LRRC28: variants seen among roughly 807,000 people sequenced by gnomAD.
LRRC28 encodes the protein leucine rich repeat containing 28, also known as leucine-rich repeat-containing protein 28.
In LRRC28, 39 loss-of-function variants were observed where a neutral mutation model predicts 45.7. The observed-to-expected ratio is 0.85, with a 90% CI of 0.66 to 1.12. The LOEUF is 1.12. Ranked by LOEUF, LRRC28 falls within the 50% of genes most tolerant of loss-of-function variation. LRRC28 has a pLI of 0.00. For synonymous variants in LRRC28, 206 were observed against 178.8 expected (o/e 1.15, Z -1.22); for missense variants, 435 against 438.5 (o/e 0.99, Z 0.07).
chr15:99,270,429 GC>G (rs2081445592), intron 2 of LRRC28, among the ~76,000 whole-genome samples: 1 of 102,078 alleles, frequency 9.8e-6, no homozygotes, highest in Admixed American at 1.0e-4. Context: ...CCATTGCCCC[GC>G]CCCCACCCTC....
intron 5 of LRRC28, among the ~76,000 whole-genome samples, chr15:99,299,709 T>C: frequency 6.6e-6 from 1 of 152,228 alleles, no homozygotes; most frequent in Middle Eastern, 3.2e-3. Context: ...TTGTTTGATA[T>C]TGTTTGTTAT....
chr15:99,319,191 T>C (rs1230967578), intron 5 of LRRC28, among the ~76,000 whole-genome samples: 1 of 152,120 alleles, frequency 6.6e-6, no homozygotes, highest in East Asian at 1.9e-4. Context: ...ATACCAACAA[T>C]AGACACCTAG....
intron 6 of LRRC28, among the ~76,000 whole-genome samples, chr15:99,347,203 T>C (rs1956712509): frequency 6.8e-6 from 1 of 147,492 alleles, no homozygotes. Context: ...GTACGTGAGC[T>C]CCCTTTTTTT....
chr15:99,271,568 C>T (rs2081480605), intron 2 of LRRC28, among the ~76,000 whole-genome samples: 1 of 152,030 alleles, frequency 6.6e-6, no homozygotes, highest in Non-Finnish European at 1.5e-5. Context: ...TGAGCCACCG[C>T]ATCCAGCCCT....
chr15:99,356,083 G>A (rs1957039940), intron 7 of LRRC28, among the ~76,000 whole-genome samples: 2 of 152,194 alleles, frequency 1.3e-5, no homozygotes, highest in African/African-American at 4.8e-5. Context: ...GAAGTTAGTT[G>A]TTGTTAAAAC....
At chr15:99,352,560 C>A in intron 7 of LRRC28, 89 bp downstream of exon 7, 1 of 997,840 alleles carries the variant, frequency 1.0e-6, no homozygotes, top group Non-Finnish European at 1.5e-6. Flanking sequence ...TGATGATATG[C>A]TAAACCAGGT....
At chr15:99,292,519 C>T (rs991275515) in intron 5 of LRRC28, among the ~76,000 whole-genome samples, 13 of 151,560 alleles carry the variant, frequency 8.6e-5, no homozygotes, top group African/African-American at 2.9e-4. Context: ...CGCCCGCCAC[C>T]GCGCCCGGCT....
intron 2 of LRRC28, among the ~76,000 whole-genome samples, chr15:99,261,218 T>C (rs1395992741): frequency 1.3e-5 from 2 of 152,232 alleles, no homozygotes; most frequent in African/African-American, 4.8e-5. Flanking sequence ...GAATAAACTT[T>C]TCAATTACAA....
At chr15:99,293,401 C>T (rs919961089) in intron 5 of LRRC28, among the ~76,000 whole-genome samples, 6 of 151,738 alleles carry the variant, frequency 4.0e-5, no homozygotes, top group Non-Finnish European at 7.4e-5. Flanking sequence ...CAAGACTAGC[C>T]TGACTAACAT....
chr15:99,301,880 AT>A (rs947650797), intron 5 of LRRC28, among the ~76,000 whole-genome samples: 4 of 152,262 alleles, frequency 2.6e-5, no homozygotes, highest in African/African-American at 9.6e-5. Flanking sequence ...GTATTTCCTT[AT>A]CCCCAGGGCA....
In LRRC28 at chr15:99,390,205, T is replaced by C. The variant is rs765701750; in HGVS notation, c.*4103T>C. ...CTAATAGATCTGAAAGTGATGCCGG[T>C]GTCTCTAGGAAAGGAATTGATCATA... On this transcript the variant is annotated 3_prime_UTR_variant, in exon 10 of 10. Coordinates refer to ENST00000301981, the MANE Select transcript of LRRC28 (RefSeq NM_144598.5). The C allele has an allele frequency of 1.2e-4, 18 of 152,236 alleles. No homozygotes were observed. The highest frequency in any genetic ancestry group is 5.9e-4 in the Admixed American group (9 of 15,288). 9.4% of individuals were successfully genotyped at this position (152,236 alleles called of 1,614,324 possible). A position where few individuals can be genotyped will look rare whatever the true frequency, so the allele number is the denominator to read the frequency against.
At chr15:99,293,295 T>C (rs1407436533) in intron 5 of LRRC28, among the ~76,000 whole-genome samples, 1 of 152,040 alleles carries the variant, frequency 6.6e-6, no homozygotes, top group Non-Finnish European at 1.5e-5. Context: ...GCAAGTCAGT[T>C]GTCTGTAAAA....
chr15:99,366,751 T>C (rs1465413527), intron 9 of LRRC28, among the ~76,000 whole-genome samples: 1 of 151,948 alleles, frequency 6.6e-6, no homozygotes, highest in Admixed American at 6.6e-5. Flanking sequence ...CTTCAACATA[T>C]GAATTTAGGA....
intron 5 of LRRC28, among the ~76,000 whole-genome samples, chr15:99,291,626 C>T (rs2082124490): frequency 6.6e-6 from 1 of 152,224 alleles, no homozygotes; most frequent in Non-Finnish European, 1.5e-5. Context: ...ATAGTCCATG[C>T]TGAGACTTGT....
intron 7 of LRRC28, among the ~76,000 whole-genome samples, chr15:99,354,380 T>C (rs1444821854): frequency 1.3e-5 from 2 of 152,224 alleles, no homozygotes; most frequent in Non-Finnish European, 1.5e-5. Flanking sequence ...CTGCCTCTTT[T>C]ATCTGTTGGA....
chr15:99,355,897 G>A (rs1957034716), intron 7 of LRRC28, among the ~76,000 whole-genome samples: 1 of 152,128 alleles, frequency 6.6e-6, no homozygotes, highest in Admixed American at 6.5e-5. Context: ...TGTATTCTGA[G>A]TTAAACCAGT....
At chr15:99,253,830 A>G (rs1159821847) in intron 1 of LRRC28, among the ~76,000 whole-genome samples, 1 of 152,074 alleles carries the variant, frequency 6.6e-6, no homozygotes, top group Non-Finnish European at 1.5e-5. Context: ...AGAGATTTGG[A>G]TGGATTTGAG....
At chr15:99,342,707 A>T (rs1239509603) in intron 6 of LRRC28, among the ~76,000 whole-genome samples, 1 of 152,198 alleles carries the variant, frequency 6.6e-6, no homozygotes, top group Non-Finnish European at 1.5e-5. Flanking sequence ...AGAAATAGAG[A>T]TTCTGCAGCA....
chr15:99,357,998 G>T (rs1957093538), intron 7 of LRRC28, among the ~76,000 whole-genome samples: 1 of 151,884 alleles, frequency 6.6e-6, no homozygotes, highest in African/African-American at 2.4e-5. Context: ...TATAAATACT[G>T]GGAAAAAAAG....
Sources: allele counts gnomAD v4.1 joint callset (sites outside exome capture counted in the v4.1 genomes callset), GRCh38; gene constraint gnomAD v4.1.1; transcripts MANE v1.5; gene names NCBI Gene and HGNC (gene_info 2026-07-23, HGNC 2026-07-21).